FRAS1: variants seen among roughly 807,000 people sequenced by gnomAD.
FRAS1 encodes the protein extracellular matrix organizing protein FRAS1.
A neutral mutation model predicts 435.2 loss-of-function variants in FRAS1; 290 were observed. That is an observed-to-expected ratio of 0.67 (90% CI 0.61 to 0.73). The LOEUF (loss-of-function observed/expected upper bound fraction) is 0.73, where lower values mean the gene tolerates loss of function less well. Among genes scored for constraint, FRAS1 ranks in the 30% least tolerant of loss-of-function variants. FRAS1 has a pLI of 0.00. For missense variants in FRAS1, 4,860 were observed against 5,001.5 expected, an observed-to-expected ratio of 0.97 and a Z score of 0.85; for synonymous variants, 1,800 against 1,851.0, an observed-to-expected ratio of 0.97 and a Z score of 0.71.
chr4:78,230,498 TGG>T (rs1178040329), intron 2 of FRAS1, among the ~76,000 whole-genome samples: 1 of 152,186 alleles, frequency 6.6e-6, no homozygotes, highest in East Asian at 1.9e-4. Context: ...GAAGGGCACT[TGG>T]GGAAAGAATT....
At chr4:78,196,222 T>C (rs957982157) in intron 2 of FRAS1, among the ~76,000 whole-genome samples, 9 of 152,166 alleles carry the variant, frequency 5.9e-5, no homozygotes, top group Admixed American at 2.0e-4. Flanking sequence ...TTAGCCAGGA[T>C]GGTCTTGATC....
intron 34 of FRAS1, among the ~76,000 whole-genome samples, chr4:78,423,774 A>G (rs1018831917): frequency 1.3e-5 from 2 of 152,308 alleles, no homozygotes; most frequent in South Asian, 4.1e-4. Flanking sequence ...ATAGCCCATG[A>G]AAATGTTTAT....
intron 49 of FRAS1, among the ~76,000 whole-genome samples, chr4:78,465,125 T>A (rs1719487833): frequency 6.6e-6 from 1 of 152,214 alleles, no homozygotes; most frequent in South Asian, 2.1e-4. Context: ...TTAGCTCACA[T>A]AAACTCATAC....
chr4:78,298,571 T>C (rs1422614798), intron 14 of FRAS1, among the ~76,000 whole-genome samples: 2 of 152,198 alleles, frequency 1.3e-5, no homozygotes, highest in Non-Finnish European at 2.9e-5. Context: ...TGGTACTCTA[T>C]ATAGATGCAG....
chr4:78,202,417 G>A (rs569297640), intron 2 of FRAS1, among the ~76,000 whole-genome samples: 1 of 152,328 alleles, frequency 6.6e-6, no homozygotes, highest in South Asian at 2.1e-4. Flanking sequence ...TGGGCTGGGT[G>A]CCATGGCTCA....
chr4:78,347,538 A>G (rs370252), intron 20 of FRAS1, among the ~76,000 whole-genome samples: 9,826 of 152,134 alleles, frequency 0.065, 581 homozygotes, highest in African/African-American at 0.17. Flanking sequence ...TGAACGTCCA[A>G]AGCTCCAGCC....
intron 4 of FRAS1, among the ~76,000 whole-genome samples, chr4:78,250,705 T>A (rs1169124828): frequency 6.6e-6 from 1 of 152,186 alleles, no homozygotes; most frequent in Non-Finnish European, 1.5e-5. Flanking sequence ...TGGGGAGGCA[T>A]CCCCTGGTTG....
At chr4:78,304,334 C>T (rs1410626602) in intron 14 of FRAS1, among the ~76,000 whole-genome samples, 1 of 152,220 alleles carries the variant, frequency 6.6e-6, no homozygotes, top group Non-Finnish European at 1.5e-5. Context: ...GGTTGTGTCT[C>T]TGCCAGGCTT....
chr4:78,501,394 CTT>C (rs2109875674), intron 61 of FRAS1, among the ~76,000 whole-genome samples: 1 of 152,280 alleles, frequency 6.6e-6, no homozygotes, highest in South Asian at 2.1e-4. Flanking sequence ...GGTTCCAAGT[CTT>C]TGCTATTGTT....
At chr4:78,197,677 C>T (rs1294765052) in intron 2 of FRAS1, among the ~76,000 whole-genome samples, 3 of 152,038 alleles carry the variant, frequency 2.0e-5, no homozygotes, top group East Asian at 1.9e-4. Context: ...AGTGGTGGCT[C>T]ATGCCTGTAA....
At position 78,400,851 on chromosome 4, in the gene FRAS1, A is replaced by T; in HGVS notation, c.4093A>T (p.Ile1365Phe). 6.2e-7 allele frequency: 1 copy of T among 1,613,802 alleles called. No individual in the cohort carries two copies. Among genetic ancestry groups the T allele is most frequent in the Middle Eastern group, 1.7e-4 (1 of 6,060 alleles). The change falls in exon 30 of 74, where the codon ATC becomes TTC. Residue 1365 changes from isoleucine (I) to phenylalanine (F), a missense_variant. Transcript: ENST00000512123. The part of the protein sequence containing the change: ...AEAPGASAEE[I>F]IYKITQDYPQ... The stretch of plus-strand genomic sequence containing the variant: ...GGCTCCTGGTGCCAGTGCTGAAGAA[A>T]TCATCTACAAGATTACACAAGACTA...
intron 2 of FRAS1, among the ~76,000 whole-genome samples, chr4:78,105,058 A>G (rs1178608866): frequency 6.6e-6 from 1 of 151,990 alleles, no homozygotes; most frequent in Non-Finnish European, 1.5e-5. Context: ...TTAGTTCCAA[A>G]TTGCTTAGAA....
intron 2 of FRAS1, among the ~76,000 whole-genome samples, chr4:78,221,908 T>C (rs905413256): frequency 2.6e-5 from 4 of 152,222 alleles, no homozygotes; most frequent in Non-Finnish European, 4.4e-5. Context: ...AAACAAATTA[T>C]AGTGTTCACT....
chr4:78,367,823 T>G (rs1266243058), intron 22 of FRAS1, among the ~76,000 whole-genome samples: 1 of 152,186 alleles, frequency 6.6e-6, no homozygotes, highest in Non-Finnish European at 1.5e-5. Flanking sequence ...CTGGTGAAAC[T>G]TAACTATGTA....
At chr4:78,466,158 G>T in intron 49 of FRAS1, 50 bp from the exon 50 acceptor site, 1 of 1,504,782 alleles carries the variant, frequency 6.6e-7, no homozygotes, top group South Asian at 1.2e-5. Flanking sequence ...TCACTCTTTT[G>T]GTTTCTGTTA....
chr4:78,157,414 G>T (rs1720942511), intron 2 of FRAS1, among the ~76,000 whole-genome samples: 1 of 152,272 alleles, frequency 6.6e-6, no homozygotes, highest in Non-Finnish European at 1.5e-5. Context: ...TTTCCATAGG[G>T]ACTGAGCTAA....
intron 2 of FRAS1, among the ~76,000 whole-genome samples, chr4:78,172,386 G>A (rs924165811): frequency 3.3e-5 from 5 of 152,120 alleles, no homozygotes; most frequent in African/African-American, 1.2e-4. Flanking sequence ...AGTAAGATAT[G>A]ACATGAACAG....
At position 78,217,801 on chromosome 4, in the gene FRAS1, C is replaced by G. The variant is rs550820680; in HGVS notation, c.109-19709C>G. The stretch of plus-strand genomic sequence containing the variant: ...TACAAGATATCTCCCCCTCCCTTCT[C>G]TCCCCTCCCCTCTCCTCCCCTCCCC... On this transcript the variant is annotated intron_variant, in intron 2 of 73. Coordinates refer to ENST00000512123, the MANE Select transcript of FRAS1 (RefSeq NM_025074.7). Among the ~76,000 whole-genome samples, 40 of 121,008 alleles carry G rather than the reference C, an allele frequency of 3.3e-4. No homozygotes were observed. In the South Asian group the frequency reaches 0.014, roughly 43 times the overall value. 79.4% of individuals were successfully genotyped at this position (121,008 alleles called of 152,430 possible).
chr4:78,413,907 G>A (rs2110361362), intron 32 of FRAS1, among the ~76,000 whole-genome samples: 1 of 152,276 alleles, frequency 6.6e-6, no homozygotes, highest in African/African-American at 2.4e-5. Context: ...GGTGAGTGCT[G>A]TAATGCCAAA....
Sources: allele counts gnomAD v4.1 joint callset (sites outside exome capture counted in the v4.1 genomes callset), GRCh38; gene constraint gnomAD v4.1.1; transcripts MANE v1.5; gene names NCBI Gene and HGNC (gene_info 2026-07-23, HGNC 2026-07-21).